LARGE1: variants seen among roughly 807,000 people sequenced by gnomAD.
LARGE1 encodes the protein xylosyl- and glucuronyltransferase LARGE1.
LARGE1 carries 43 observed loss-of-function variants against 87.6 expected under a neutral mutation model. The observed-to-expected ratio is 0.49, with a 90% CI of 0.38 to 0.63. LARGE1 has a LOEUF of 0.63. Ranked by LOEUF, LARGE1 falls within the 30% of genes least tolerant of loss-of-function variation. The pLI is 0.00. For synonymous variants in LARGE1, 434 were observed against 394.6 expected (o/e 1.10, Z -1.18); for missense variants, 802 against 1,000.2 (o/e 0.80, Z 2.67).
At chr22:33,892,353 C>T (rs115074344) in intron 1 of LARGE1, among the ~76,000 whole-genome samples, 3,277 of 152,226 alleles carry the variant, frequency 0.022, 128 homozygotes, top group African/African-American at 0.076. Flanking sequence ...TGGCAGGGCA[C>T]ACTCTTTGTG....
At chr22:33,077,690 T>C in the LARGE1 span, among the ~76,000 whole-genome samples, 1 of 152,204 alleles carries the variant, frequency 6.6e-6, no homozygotes, top group African/African-American at 2.4e-5. Context: ...ATCCTAAACA[T>C]ATATTATGCA....
At chr22:33,887,592 CCAGGCGTGG>C (rs2064889735) in intron 1 of LARGE1, among the ~76,000 whole-genome samples, 2 of 152,006 alleles carry the variant, frequency 1.3e-5, no homozygotes, top group Non-Finnish European at 2.9e-5. Flanking sequence ...CAAAAATTAG[CCAGGCGTGG>C]TGGGTGGGTG....
rs2066492090 is a variant in LARGE1, at chr22:33,416,565, G to A, written c.892+15596C>T. ...TTTGTGTGTTTTTTTTGGGGGGCGG[G>A]GGAGGCAATGGTGGTGCAAGTAGAC... On this transcript the variant is annotated intron_variant, in intron 7 of 14. Transcript: ENST00000397394. Among the ~76,000 whole-genome samples the A allele has an allele frequency of 2.6e-5, 4 of 151,980 alleles. No individual in the cohort carries two copies. The South Asian group carries it at 8.3e-4, about 32-fold the overall frequency.
At chr22:33,659,066 G>C (rs555456587) in intron 2 of LARGE1, among the ~76,000 whole-genome samples, 2 of 152,252 alleles carry the variant, frequency 1.3e-5, no homozygotes, top group East Asian at 3.9e-4. Context: ...TTTGCTCCTC[G>C]GCATCGCCCT....
At chr22:33,467,663 T>C (rs1006245406) in intron 6 of LARGE1, among the ~76,000 whole-genome samples, 2 of 152,240 alleles carry the variant, frequency 1.3e-5, no homozygotes, top group Admixed American at 6.5e-5. Context: ...TTGATTTTAC[T>C]GTCAAATGAA....
chr22:33,117,770 G>A, the LARGE1 span, among the ~76,000 whole-genome samples: 1 of 152,170 alleles, frequency 6.6e-6, no homozygotes, highest in African/African-American at 2.4e-5. Flanking sequence ...GAATGACTGA[G>A]GGGATTACTG....
chr22:33,305,583 T>C, intron 11 of LARGE1: 1 of 985,340 alleles, frequency 1.0e-6, no homozygotes, highest in South Asian at 4.7e-5. Flanking sequence ...CCCACTTTAT[T>C]CGGACGATTA....
At position 33,349,498 on chromosome 22, in the gene LARGE1, G is replaced by A. The variant is rs375474275; in HGVS notation, c.1132-11697C>T. Among the ~76,000 whole-genome samples the A allele has an allele frequency of 3.0e-4, 46 of 152,192 alleles. 2 individuals carry two copies. The highest frequency in any genetic ancestry group is 1.7e-3 in the East Asian group (9 of 5,172). On this transcript the variant is annotated intron_variant, in intron 9 of 14. Transcript: ENST00000397394. Reference sequence around the variant, plus strand: ...CTAAAGTGACACTGTCCAACATCCCGGACTGCTGGATCCTTCAATGCAAGA... The same window carrying A: ...CTAAAGTGACACTGTCCAACATCCCAGACTGCTGGATCCTTCAATGCAAGA...
rs200212868 is a variant in LARGE1, at chr22:33,274,611, A to G, written c.2087T>C (p.Ile696Thr). 7 of 1,614,080 alleles carry G rather than the reference A, an allele frequency of 4.3e-6. No homozygotes were observed. In the Admixed American group the frequency reaches 8.3e-5, roughly 19 times the overall value. Residue 696 changes from isoleucine (I) to threonine (T), a missense_variant, in exon 15 of 15, where the codon ATT becomes ACT. Around this residue, in one of 2 missense-constraint regions of LARGE1, gnomAD observed 625 missense variants for 841.9 expected, o/e 0.74. Transcript: ENST00000397394. ...MELDVQEYEF[I>T]VLPNAYMIHM... ...GATCATGTAGGCGTTGGGCAGCACA[A>G]TGAACTCATACTCCTGGAAGAAGAC... is the stretch of plus-strand genomic sequence containing the variant.
chr22:33,842,191 G>A (rs553847154), intron 1 of LARGE1, among the ~76,000 whole-genome samples: 3 of 152,216 alleles, frequency 2.0e-5, no homozygotes, highest in South Asian at 4.2e-4. Flanking sequence ...GTCTCTACAC[G>A]GACGTAAAGC....
chr22:33,526,994 C>A (rs144131684), intron 6 of LARGE1, among the ~76,000 whole-genome samples: 3 of 152,192 alleles, frequency 2.0e-5, no homozygotes, highest in Non-Finnish European at 4.4e-5. Context: ...CAGTGGCACA[C>A]GCCTGTAATC....
At chr22:33,467,465 C>T (rs2068662730) in intron 6 of LARGE1, among the ~76,000 whole-genome samples, 1 of 152,134 alleles carries the variant, frequency 6.6e-6, no homozygotes, top group Admixed American at 6.5e-5. Flanking sequence ...TTAGACTTTC[C>T]TCAAAACGAC....
At chr22:33,831,880 C>T (rs769242509) in intron 1 of LARGE1, among the ~76,000 whole-genome samples, 8 of 152,172 alleles carry the variant, frequency 5.3e-5, no homozygotes, top group Non-Finnish European at 1.0e-4. Flanking sequence ...GGCGTAATCC[C>T]GAGGCAACCA....
intron 2 of LARGE1, among the ~76,000 whole-genome samples, chr22:33,660,122 A>T (rs559348115): frequency 4.9e-5 from 7 of 143,438 alleles, no homozygotes; most frequent in Non-Finnish European, 1.1e-4. Context: ...AAATATGCTA[A>T]GTTTTGAAAG....
chr22:33,557,005 GAACA>G (rs892807855), intron 6 of LARGE1, among the ~76,000 whole-genome samples: 4 of 151,800 alleles, frequency 2.6e-5, no homozygotes, highest in African/African-American at 9.7e-5. Flanking sequence ...ACTGTTTCAC[GAACA>G]AACAAACAAC....
intron 7 of LARGE1, among the ~76,000 whole-genome samples, chr22:33,416,563 G>A (rs1411843478): frequency 1.3e-5 from 2 of 151,952 alleles, no homozygotes; most frequent in Non-Finnish European, 2.9e-5. Flanking sequence ...TTTGGGGGGC[G>A]GGGGAGGCAA....
downstream of LARGE1, among the ~76,000 whole-genome samples, chr22:33,160,429 A>G (rs1380703487): frequency 3.9e-5 from 6 of 152,128 alleles, no homozygotes; most frequent in Admixed American, 1.3e-4. Context: ...GGGGAGTCCA[A>G]CCACTCTACC....
intron 5 of LARGE1, among the ~76,000 whole-genome samples, chr22:33,581,215 C>A (rs2078509699): frequency 1.3e-5 from 2 of 152,184 alleles, no homozygotes. Context: ...TTTGCCCCTT[C>A]TGACCTTCAG....
At chr22:33,483,444 G>A (rs1473504554) in intron 6 of LARGE1, among the ~76,000 whole-genome samples, 2 of 152,126 alleles carry the variant, frequency 1.3e-5, no homozygotes, top group East Asian at 3.9e-4. Flanking sequence ...ATTAGCTATT[G>A]AGTTCCCATG....
Sources: allele counts gnomAD v4.1 joint callset (sites outside exome capture counted in the v4.1 genomes callset), GRCh38; gene constraint gnomAD v4.1.1; regional missense constraint gnomAD v4.1.1; transcripts MANE v1.5; gene names NCBI Gene and HGNC (gene_info 2026-07-23, HGNC 2026-07-21).